The following ELMO1 variants were observed in gnomAD, a reference collection of about 807,000 sequenced individuals.
The protein encoded by ELMO1 is engulfment and cell motility 1, also known as engulfment and cell motility protein 1.
ELMO1 carries 26 observed loss-of-function variants against 98.9 expected under a neutral mutation model. That is an observed-to-expected ratio of 0.26 (90% CI 0.19 to 0.36). The LOEUF is 0.36. Among genes scored for constraint, ELMO1 ranks in the 10% least tolerant of loss-of-function variants. The probability of loss-of-function intolerance (pLI) is 1.00; values close to 1 mark genes in which losing one functional copy is unlikely to be tolerated. For synonymous variants in ELMO1, 346 were observed against 346.0 expected (o/e 1.00, Z 0.00); for missense variants, 627 against 935.2 (o/e 0.67, Z 4.30).
chr7:37,068,722 G>A (rs181398148), intron 15 of ELMO1, among the ~76,000 whole-genome samples: 533 of 152,204 alleles, frequency 3.5e-3, no homozygotes, highest in Non-Finnish European at 5.6e-3. Flanking sequence ...GTTCATGCTG[G>A]TTTACAAAAG....
chr7:37,185,033 G>A (rs975369594), intron 13 of ELMO1, among the ~76,000 whole-genome samples: 8 of 152,110 alleles, frequency 5.3e-5, no homozygotes, highest in African/African-American at 7.2e-5. Context: ...ATAACTAGAC[G>A]GACAAATAGA....
At chr7:36,918,537 T>C (rs756372581) in intron 16 of ELMO1, among the ~76,000 whole-genome samples, 6 of 152,106 alleles carry the variant, frequency 3.9e-5, no homozygotes, top group Non-Finnish European at 8.8e-5. Context: ...CCCAATCCAC[T>C]CGTTCCCTCC....
At chr7:37,368,607 A>G (rs1801992327) in intron 1 of ELMO1, among the ~76,000 whole-genome samples, 1 of 152,192 alleles carries the variant, frequency 6.6e-6, no homozygotes, top group East Asian at 1.9e-4. Context: ...AAATAGCCCA[A>G]AAAGATCAAC....
intron 5 of ELMO1, among the ~76,000 whole-genome samples, chr7:37,269,261 G>A (rs962653861): frequency 1.5e-4 from 23 of 152,110 alleles, no homozygotes; most frequent in Non-Finnish European, 1.0e-4. Flanking sequence ...CAAACCACAA[G>A]GTGATTGCTT....
At chr7:37,296,428 T>C (rs1489790890) in intron 4 of ELMO1, among the ~76,000 whole-genome samples, 2 of 152,248 alleles carry the variant, frequency 1.3e-5, no homozygotes, top group Admixed American at 1.3e-4. Context: ...TTTAAAAGTC[T>C]ATCTGATTAG....
chr7:36,913,446 G>A (rs1419639697), intron 16 of ELMO1, among the ~76,000 whole-genome samples: 1 of 152,216 alleles, frequency 6.6e-6, no homozygotes, highest in African/African-American at 2.4e-5. Flanking sequence ...TTATATTTCT[G>A]TGATAGCAAA....
At chr7:37,017,906 G>A (rs1205284331) in intron 15 of ELMO1, among the ~76,000 whole-genome samples, 2 of 152,170 alleles carry the variant, frequency 1.3e-5, no homozygotes, top group Non-Finnish European at 2.9e-5. Flanking sequence ...TGAGGAGGCA[G>A]GATAGAGAGT....
chr7:36,873,282 G>A (rs1045054660), intron 19 of ELMO1, among the ~76,000 whole-genome samples: 1 of 151,682 alleles, frequency 6.6e-6, no homozygotes, highest in African/African-American at 2.4e-5. Context: ...AAACAGAGGG[G>A]TCAGACTCAT....
At chr7:36,887,781 G>T in intron 17 of ELMO1, 109 bp from the exon 18 acceptor site, 1 of 895,318 alleles carries the variant, frequency 1.1e-6, no homozygotes, top group Non-Finnish European at 1.8e-6. Flanking sequence ...CTTTTCATGA[G>T]CATCTAATAC....
chr7:37,257,143 A>G (rs1230419272), intron 6 of ELMO1, among the ~76,000 whole-genome samples: 1 of 152,146 alleles, frequency 6.6e-6, no homozygotes, highest in Non-Finnish European at 1.5e-5. Flanking sequence ...CTCTCCACCA[A>G]CATAAGAGCT....
intron 15 of ELMO1, among the ~76,000 whole-genome samples, chr7:37,057,235 T>C (rs1420790117): frequency 1.3e-5 from 2 of 152,052 alleles, no homozygotes; most frequent in Admixed American, 1.3e-4. Flanking sequence ...TGATATAAGA[T>C]GTTAAAATCA....
At chr7:37,214,744 A>G (rs1365458284) in intron 11 of ELMO1, among the ~76,000 whole-genome samples, 1 of 152,172 alleles carries the variant, frequency 6.6e-6, no homozygotes, top group Non-Finnish European at 1.5e-5. Context: ...CATGGCACAC[A>G]CTTAGTATCC....
At chr7:36,951,679 C>T (rs969408206) in intron 16 of ELMO1, among the ~76,000 whole-genome samples, 13 of 152,240 alleles carry the variant, frequency 8.5e-5, no homozygotes, top group African/African-American at 2.7e-4. Flanking sequence ...TCTCTGGCCA[C>T]GCCATTCAAA....
At chr7:37,201,782 G>A (rs1286335341) in intron 13 of ELMO1, among the ~76,000 whole-genome samples, 1 of 152,218 alleles carries the variant, frequency 6.6e-6, no homozygotes, top group Non-Finnish European at 1.5e-5. Context: ...GGCTATTTCT[G>A]CTCTGGTTCA....
intron 4 of ELMO1, among the ~76,000 whole-genome samples, chr7:37,274,435 T>A (rs1419145310): frequency 6.6e-6 from 1 of 152,212 alleles, no homozygotes; most frequent in Admixed American, 6.5e-5. Flanking sequence ...CACCTGTTCA[T>A]GTAAGACTTA....
rs1433085929 is a variant in ELMO1 at position 36,875,789 on chromosome 7, G to C, written c.1822+2221C>G. ...GGCATTAGCTTGTGGGCAAGACCAG[G>C]AACTGCCCCTACACAAGGCTTTGTT... On this transcript the variant is annotated intron_variant, in intron 19 of 21. Coordinates refer to ENST00000310758, the MANE Select transcript of ELMO1 (RefSeq NM_014800.11). Among the ~76,000 whole-genome samples, 10 of 152,122 alleles carry C rather than the reference G, an allele frequency of 6.6e-5. No homozygotes were observed. In the East Asian group the frequency reaches 1.5e-3, roughly 23 times the overall value.
At chr7:36,865,013 G>A (rs936174556) in intron 20 of ELMO1, among the ~76,000 whole-genome samples, 2 of 152,162 alleles carry the variant, frequency 1.3e-5, no homozygotes, top group African/African-American at 4.8e-5. Flanking sequence ...GACAAGGCAC[G>A]CTGTGTCAGC....
At chr7:37,343,638 C>T (rs756308247) in intron 1 of ELMO1, among the ~76,000 whole-genome samples, 6 of 152,040 alleles carry the variant, frequency 3.9e-5, no homozygotes, top group Non-Finnish European at 5.9e-5. Context: ...CCCACCACCA[C>T]GCCTGGCTAA....
chr7:37,135,087 G>T (rs1787180096), intron 13 of ELMO1, among the ~76,000 whole-genome samples: 1 of 152,186 alleles, frequency 6.6e-6, no homozygotes, highest in African/African-American at 2.4e-5. Flanking sequence ...ATGCCTAAGA[G>T]GAGAAGGCCG....
Sources: gnomAD v4.1 joint callset for allele counts (sites outside exome capture counted in the v4.1 genomes callset) on GRCh38, gnomAD v4.1.1 for gene constraint, MANE v1.5 for transcripts, NCBI Gene and HGNC (gene_info 2026-07-23, HGNC 2026-07-21) for gene names.